Variants in GRID2 observed in about 807,000 individuals in gnomAD.
GRID2 encodes glutamate ionotropic receptor delta type subunit 2.
GRID2 carries 33 observed loss-of-function variants against 114.8 expected under a neutral mutation model. The observed-to-expected ratio is 0.29, with a 90% CI of 0.22 to 0.38. GRID2 has a LOEUF of 0.38. Among genes scored for constraint, GRID2 ranks in the 10% least tolerant of loss-of-function variants. GRID2 has a pLI of 1.00. For missense variants in GRID2, 1,184 were observed against 1,257.7 expected, an observed-to-expected ratio of 0.94 and a Z score of 0.89; for synonymous variants, 505 against 449.9, an observed-to-expected ratio of 1.12 and a Z score of -1.55.
intron 1 of GRID2, among the ~76,000 whole-genome samples, chr4:93,781,343 A>G (rs28511876): frequency 0.39 from 58,729 of 151,268 alleles, 12,140 homozygotes; most frequent in East Asian, 0.76. Context: ...GGTGAGGCCC[A>G]CTGGGCTGCG....
chr4:92,440,385 C>A (rs984882078), intron 1 of GRID2, among the ~76,000 whole-genome samples: 6 of 149,788 alleles, frequency 4.0e-5, no homozygotes, highest in African/African-American at 1.5e-4. Context: ...CCTTCTCAGA[C>A]CCTGTAGGAA....
intron 13 of GRID2, among the ~76,000 whole-genome samples, chr4:93,602,756 T>C (rs80213536): frequency 6.6e-6 from 1 of 152,324 alleles, no homozygotes; most frequent in Non-Finnish European, 1.5e-5. Context: ...TCTCTAAGTG[T>C]TCAAGTGAAA....
At position 92,303,998 on chromosome 4, in the gene GRID2, G is replaced by C. The variant is rs987864376; in HGVS notation, c.-659G>C. On this transcript the variant is annotated 5_prime_UTR_variant, in exon 1 of 16. Coordinates refer to ENST00000282020, the MANE Select transcript of GRID2 (RefSeq NM_001510.4). Reference sequence around the variant, plus strand: ...CTCCCCGGGCCCGCCTCGCCAAGCTGCGTTCCGCGCCTCACGCAGAAAGGG... The same window carrying C: ...CTCCCCGGGCCCGCCTCGCCAAGCTCCGTTCCGCGCCTCACGCAGAAAGGG... 1 of 152,728 alleles carries C rather than the reference G, an allele frequency of 6.5e-6. No individual in the cohort carries two copies. Among genetic ancestry groups the C allele is most frequent in the Non-Finnish European group, 1.5e-5 (1 of 68,440 alleles). 9.5% of individuals were successfully genotyped at this position (152,728 alleles called of 1,614,324 possible).
chr4:92,664,071 T>C (rs115678462), intron 2 of GRID2, among the ~76,000 whole-genome samples: 100 of 151,348 alleles, frequency 6.6e-4, no homozygotes, highest in African/African-American at 2.4e-3. Context: ...TTTTGTCTGT[T>C]TGTCTTGTTA....
At chr4:93,437,534 G>T (rs1721213074) in intron 10 of GRID2, among the ~76,000 whole-genome samples, 1 of 152,010 alleles carries the variant, frequency 6.6e-6, no homozygotes, top group South Asian at 2.1e-4. Context: ...ATGAGTAGAA[G>T]ACAAAACATA....
intron 2 of GRID2, among the ~76,000 whole-genome samples, chr4:92,597,962 G>T (rs1227287622): frequency 6.6e-6 from 1 of 152,056 alleles, no homozygotes; most frequent in Non-Finnish European, 1.5e-5. Context: ...ACTTTTATAT[G>T]ATCCAGTTTA....
In GRID2 at chr4:92,934,933, C is replaced by T. The variant is rs1271787962; in HGVS notation, c.245-150062C>T. 9.5e-5 allele frequency among the ~76,000 whole-genome samples: 14 copies of T among 146,730 alleles called. 1 individual carries two copies. Among genetic ancestry groups the T allele is most frequent in the African/African-American group, 3.4e-4 (14 of 41,250 alleles). On this transcript the variant is annotated intron_variant, in intron 2 of 15. Coordinates refer to ENST00000282020, the MANE Select transcript of GRID2 (RefSeq NM_001510.4). ...AACGTTCGACCTAAAACCATAAAAA[C>T]CCTAGAAGAAAACCTAGGCATTACC...
intron 2 of GRID2, among the ~76,000 whole-genome samples, chr4:92,704,001 C>T (rs1461966714): frequency 1.3e-5 from 2 of 152,106 alleles, no homozygotes; most frequent in Non-Finnish European, 2.9e-5. Context: ...ATTGGCCGGG[C>T]GCAGTTGCTC....
At chr4:92,582,959 C>G (rs556302912) in intron 1 of GRID2, among the ~76,000 whole-genome samples, 1 of 151,750 alleles carries the variant, frequency 6.6e-6, no homozygotes, top group Non-Finnish European at 1.5e-5. Flanking sequence ...TACACTCTAG[C>G]CTGGGTGACA....
chr4:92,428,844 TA>T (rs1456012757), intron 1 of GRID2, among the ~76,000 whole-genome samples: 1 of 152,194 alleles, frequency 6.6e-6, no homozygotes, highest in Non-Finnish European at 1.5e-5. Context: ...ATTATGAATT[TA>T]TTTATATACA....
intron 1 of GRID2, among the ~76,000 whole-genome samples, chr4:92,305,418 C>A (rs559979713): frequency 6.6e-6 from 1 of 152,144 alleles, no homozygotes; most frequent in Non-Finnish European, 1.5e-5. Context: ...GACACGCTCC[C>A]GGGGCCTGGC....
chr4:92,782,736 G>C (rs2149359529), intron 2 of GRID2, among the ~76,000 whole-genome samples: 1 of 152,054 alleles, frequency 6.6e-6, no homozygotes. Context: ...ATGATGAGTG[G>C]GAAAAGATAA....
chr4:93,163,200 T>C (rs1579159691), intron 4 of GRID2, among the ~76,000 whole-genome samples: 1 of 151,560 alleles, frequency 6.6e-6, no homozygotes, highest in East Asian at 1.9e-4. Flanking sequence ...ATATACAAAT[T>C]ATATGTGTAT....
At chr4:92,494,166 A>G (rs1460523674) in intron 1 of GRID2, among the ~76,000 whole-genome samples, 1 of 152,066 alleles carries the variant, frequency 6.6e-6, no homozygotes, top group African/African-American at 2.4e-5. Context: ...TTTCTTCCCC[A>G]TAAAACTCTA....
chr4:93,029,219 TTC>T (rs1724162932), intron 2 of GRID2, among the ~76,000 whole-genome samples: 1 of 152,106 alleles, frequency 6.6e-6, no homozygotes, highest in Admixed American at 6.6e-5. Context: ...AACTTTATTT[TTC>T]TTTAAACTTT....
intron 11 of GRID2, among the ~76,000 whole-genome samples, chr4:93,478,982 T>C (rs1560662996): frequency 6.6e-6 from 1 of 152,056 alleles, no homozygotes; most frequent in African/African-American, 2.4e-5. Flanking sequence ...ATTAGTCAGA[T>C]TATCAAGAGA....
intron 2 of GRID2, among the ~76,000 whole-genome samples, chr4:92,953,030 T>G (rs1265449220): frequency 6.6e-6 from 1 of 152,196 alleles, no homozygotes; most frequent in Non-Finnish European, 1.5e-5. Context: ...TCTCTGCCAC[T>G]GTCCTCATAA....
At chr4:92,928,367 A>T (rs1334370823) in intron 2 of GRID2, among the ~76,000 whole-genome samples, 1 of 151,730 alleles carries the variant, frequency 6.6e-6, no homozygotes, top group Non-Finnish European at 1.5e-5. Flanking sequence ...ATTTAGAAGT[A>T]GATATGTAGA....
chr4:92,587,185 T>A (rs759778678), intron 1 of GRID2, among the ~76,000 whole-genome samples: 88 of 151,334 alleles, frequency 5.8e-4, no homozygotes, highest in Non-Finnish European at 1.1e-3. Context: ...CTAATCTGCT[T>A]TTCCCATGAA....
Sources: gnomAD v4.1 joint callset for allele counts (sites outside exome capture counted in the v4.1 genomes callset) on GRCh38, gnomAD v4.1.1 for gene constraint, MANE v1.5 for transcripts, NCBI Gene and HGNC (gene_info 2026-07-23, HGNC 2026-07-21) for gene names.